Variants in PEX14 observed in about 807,000 individuals in gnomAD.
PEX14 encodes the protein peroxisomal membrane protein PEX14.
PEX14 carries 15 observed loss-of-function variants against 49.5 expected under a neutral mutation model. The observed-to-expected ratio is 0.30, with a 90% CI of 0.20 to 0.47. The LOEUF (loss-of-function observed/expected upper bound fraction) is 0.47. Among genes scored for constraint, PEX14 ranks in the 20% least tolerant of loss-of-function variants. The pLI, the probability that PEX14 is intolerant of heterozygous loss-of-function variation, is 1.00. For synonymous variants in PEX14, 210 were observed against 212.7 expected, an observed-to-expected ratio of 0.99 and a Z score of 0.11; for missense variants, 398 against 494.8, an observed-to-expected ratio of 0.80 and a Z score of 1.86.
At chr1:10,579,592 G>A (rs1033752641) in intron 3 of PEX14, among the ~76,000 whole-genome samples, 5 of 152,160 alleles carry the variant, frequency 3.3e-5, no homozygotes, top group Non-Finnish European at 7.3e-5. Context: ...AGACAGAGCA[G>A]CCCTGGGAGC....
chr1:10,492,508 T>C (rs1200535001), intron 1 of PEX14, among the ~76,000 whole-genome samples: 2 of 152,248 alleles, frequency 1.3e-5, no homozygotes, highest in East Asian at 3.8e-4. Context: ...TGAGTAATCA[T>C]GGGCAAGTTA....
chr1:10,502,117 T>C (rs1641692343), intron 2 of PEX14, among the ~76,000 whole-genome samples: 1 of 152,182 alleles, frequency 6.6e-6, no homozygotes, highest in African/African-American at 2.4e-5. Flanking sequence ...ATCCTGGGCC[T>C]GAGATGTAAG....
rs1421452778 is a variant in PEX14 at position 10,514,949 on chromosome 1, G to C, written c.84+19628G>C. ...TTTGGGCAAGAACTTGAAAAAGGAG[G>C]GAGAAAATCTCCTTGGGCAAATGCT... On this transcript the variant is annotated intron_variant, in intron 2 of 8. Coordinates refer to ENST00000356607, the MANE Select transcript of PEX14 (RefSeq NM_004565.3). The surrounding 1 kb of genome is among the most constrained non-coding windows in gnomAD (Gnocchi z 4.4). Among the ~76,000 whole-genome samples, 1 of 152,130 alleles carries C rather than the reference G, an allele frequency of 6.6e-6. No individual in the cohort carries two copies. Among genetic ancestry groups the C allele is most frequent in the African/African-American group, 2.4e-5 (1 of 41,426 alleles).
At chr1:10,551,382 T>C (rs1445782537) in intron 3 of PEX14, among the ~76,000 whole-genome samples, 2 of 152,160 alleles carry the variant, frequency 1.3e-5, no homozygotes, top group Admixed American at 6.6e-5. Context: ...TAAGATCCAT[T>C]CTCAGGAGTC....
intron 2 of PEX14, among the ~76,000 whole-genome samples, chr1:10,502,013 A>G (rs74621152): frequency 0.014 from 2,204 of 152,094 alleles, 59 homozygotes; most frequent in African/African-American, 0.05. Flanking sequence ...CAACTGCTGC[A>G]GAGAAACTTG....
chr1:10,536,160 A>G, intron 2 of PEX14, 53 bp from the exon 3 acceptor site: 1 of 1,093,516 alleles, frequency 9.1e-7, no homozygotes, highest in Non-Finnish European at 1.4e-6. Flanking sequence ...TTTAATCTTG[A>G]AATTCAGACT....
chr1:10,487,013 A>AC (rs1333178832), intron 1 of PEX14, among the ~76,000 whole-genome samples: 2 of 152,102 alleles, frequency 1.3e-5, no homozygotes, highest in East Asian at 3.9e-4. Context: ...AAAAAAAAAA[A>AC]ATTATTTTTG....
At chr1:10,510,577 T>A (rs990727672) in intron 2 of PEX14, among the ~76,000 whole-genome samples, 1 of 152,246 alleles carries the variant, frequency 6.6e-6, no homozygotes, top group Non-Finnish European at 1.5e-5. Context: ...CCCTGTGTTG[T>A]ATGGCCGTAT....
intron 3 of PEX14, among the ~76,000 whole-genome samples, chr1:10,556,702 C>A (rs1268783417): frequency 6.7e-6 from 1 of 148,602 alleles, no homozygotes; most frequent in African/African-American, 2.5e-5. Flanking sequence ...ATCAAAACTT[C>A]TTTAGTTTTG....
chr1:10,586,701 G>A (rs1039033741), intron 3 of PEX14, among the ~76,000 whole-genome samples: 4 of 142,242 alleles, frequency 2.8e-5, no homozygotes, highest in Non-Finnish European at 6.0e-5. Flanking sequence ...GTGCAGTGGC[G>A]TGATCTCTGC....
intron 2 of PEX14, among the ~76,000 whole-genome samples, chr1:10,521,765 C>A (rs1014377376): frequency 3.9e-5 from 6 of 152,204 alleles, no homozygotes; most frequent in African/African-American, 1.4e-4. Flanking sequence ...TGAATACCAT[C>A]CCCTTGGCCC....
rs754096559 is a variant in PEX14 at position 10,629,521 on chromosome 1, C to T, written c.678-10C>T. 7.5e-6 allele frequency: 12 copies of T among 1,598,134 alleles called. No homozygotes were observed. The highest frequency in any genetic ancestry group is 1.0e-5 in the Non-Finnish European group (12 of 1,166,556). On this transcript the variant is annotated splice_polypyrimidine_tract_variant and intron_variant, in intron 8 of 8. Coordinates refer to ENST00000356607, the MANE Select transcript of PEX14 (RefSeq NM_004565.3). This position sits in a 1 kb window ranked among gnomAD's most constrained non-coding sequence, Gnocchi z 8.5. ...CCGCCACCAACCTCCTCCCCTTCTT[C>T]TCCCTCTAGGAGGCAGTTCCCTCCA... is the stretch of plus-strand genomic sequence containing the variant.
rs762006360 is a variant in PEX14 at position 10,587,895 on chromosome 1, C to CTTTTT, written c.170-11322_170-11318dup. Among the ~76,000 whole-genome samples, 93 of 54,370 alleles carry CTTTTT rather than the reference C, an allele frequency of 1.7e-3. 3 individuals are homozygous for CTTTTT. Among genetic ancestry groups the CTTTTT allele is most frequent in the East Asian group, 0.015 (22 of 1,446 alleles). 35.7% of individuals were successfully genotyped at this position (54,370 alleles called of 152,430 possible). ...ACACACATATGTATACACACATGTG[C>CTTTTT]TTTTTTTTTTTTTTTTTTTTTTTTT... is the stretch of plus-strand genomic sequence containing the variant. On this transcript the variant is annotated intron_variant, in intron 3 of 8. Coordinates refer to ENST00000356607, the MANE Select transcript of PEX14 (RefSeq NM_004565.3).
At chr1:10,478,487 A>C (rs890206251) in intron 1 of PEX14, among the ~76,000 whole-genome samples, 1 of 152,144 alleles carries the variant, frequency 6.6e-6, no homozygotes, top group East Asian at 1.9e-4. Context: ...TTACTTTTTC[A>C]TAATGGTATA....
intron 2 of PEX14, among the ~76,000 whole-genome samples, chr1:10,517,929 C>A (rs1321074656): frequency 6.6e-6 from 1 of 152,002 alleles, no homozygotes; most frequent in Middle Eastern, 3.2e-3. Context: ...GGAAGTAAGT[C>A]CCAGGCAAAT....
chr1:10,530,081 TC>T (rs1315499423), intron 2 of PEX14, among the ~76,000 whole-genome samples: 1 of 152,188 alleles, frequency 6.6e-6, no homozygotes. Context: ...GACTTTCCCT[TC>T]TCCTTTCCTC....
Position 10,623,489 on chromosome 1 carries a change from G to C in PEX14, c.487+368G>C, listed in dbSNP as rs1256661279. Among the ~76,000 whole-genome samples, 3 of 152,204 alleles carry C rather than the reference G, an allele frequency of 2.0e-5. No homozygotes were observed. The East Asian group carries it at 5.8e-4, about 29-fold the overall frequency. Reference sequence around the variant, plus strand: ...CCTTCCCTCTAAGACTCGACTGTGGGGTCAAGAGAGTCTGTAATTACTGTG... The same window carrying C: ...CCTTCCCTCTAAGACTCGACTGTGGCGTCAAGAGAGTCTGTAATTACTGTG... On this transcript the variant is annotated intron_variant, in intron 6 of 8. Coordinates refer to ENST00000356607, the MANE Select transcript of PEX14 (RefSeq NM_004565.3). The surrounding 1 kb of genome is among the most constrained non-coding windows in gnomAD (Gnocchi z 4.4).
chr1:10,521,734 C>T (rs1638300130), intron 2 of PEX14, among the ~76,000 whole-genome samples: 1 of 152,164 alleles, frequency 6.6e-6, no homozygotes, highest in African/African-American at 2.4e-5. Flanking sequence ...AAGAATCATA[C>T]ATATTTAAGG....
intron 7 of PEX14, among the ~76,000 whole-genome samples, chr1:10,626,287 C>T (rs1641742734): frequency 6.6e-6 from 1 of 152,192 alleles, no homozygotes; most frequent in African/African-American, 2.4e-5. Context: ...GCTGCTGTAG[C>T]TTTCAAGGTC....
Sources: allele counts gnomAD v4.1 joint callset (sites outside exome capture counted in the v4.1 genomes callset), GRCh38; gene constraint gnomAD v4.1.1; non-coding constraint Gnocchi (gnomAD v3.1); transcripts MANE v1.5; gene names NCBI Gene and HGNC (gene_info 2026-07-23, HGNC 2026-07-21).